Variants in SEMA3D observed in about 807,000 individuals in gnomAD.
SEMA3D encodes the protein semaphorin 3D.
In SEMA3D, 84 loss-of-function variants were observed where a neutral mutation model predicts 100.1. The observed-to-expected ratio is 0.84, with a 90% confidence interval of 0.70 to 1.01. The LOEUF (loss-of-function observed/expected upper bound fraction) is 1.01, where lower values mean the gene tolerates loss of function less well. Ranked by LOEUF, SEMA3D falls within the 50% of genes least tolerant of loss-of-function variation. The pLI is 0.00. For synonymous variants in SEMA3D, 312 were observed against 320.7 expected, an observed-to-expected ratio of 0.97 and a Z score of 0.29; for missense variants, 875 against 934.1, an observed-to-expected ratio of 0.94 and a Z score of 0.82.
At chr7:85,090,559 A>T (rs1015771909) in intron 4 of SEMA3D, among the ~76,000 whole-genome samples, 2 of 152,168 alleles carry the variant, frequency 1.3e-5, no homozygotes, top group Non-Finnish European at 2.9e-5. Context: ...AAGACTGATG[A>T]TTTTGTTTTA....
At chr7:85,148,618 C>A (rs1294903331) in intron 2 of SEMA3D, among the ~76,000 whole-genome samples, 3 of 152,142 alleles carry the variant, frequency 2.0e-5, no homozygotes, top group African/African-American at 7.2e-5. Context: ...CCCCAGGTTT[C>A]TTTGCAGTTA....
At chr7:85,022,725 C>T in intron 12 of SEMA3D, 112 bp from the exon 13 acceptor site, 3 of 695,596 alleles carry the variant, frequency 4.3e-6, no homozygotes, top group Admixed American at 2.1e-5. Context: ...AATGAATGGA[C>T]AACAGAGTCA....
chr7:85,141,292 C>T (rs2116462029), intron 2 of SEMA3D: 1 of 984,288 alleles, frequency 1.0e-6, no homozygotes, highest in Non-Finnish European at 1.2e-6. Context: ...TTAACCTCTT[C>T]AGGAATTTTA....
In SEMA3D at chr7:85,081,591, T is replaced by G. The variant is rs756461077; in HGVS notation, c.313-12A>C. 6.3e-7 allele frequency: 1 copy of G among 1,597,792 alleles called. No homozygotes were observed. Among genetic ancestry groups the G allele is most frequent in the South Asian group, 1.1e-5 (1 of 90,716 alleles). On this transcript the variant is annotated splice_polypyrimidine_tract_variant and intron_variant, in intron 4 of 18. Transcript: ENST00000284136. ...GCAGGCCAATAAATCTGCAAAACAT[T>G]TCAAAGTATGTTACAACCTGAATAT...
chr7:85,073,466 C>T (rs1391532798), intron 5 of SEMA3D, among the ~76,000 whole-genome samples: 1 of 151,632 alleles, frequency 6.6e-6, no homozygotes, highest in African/African-American at 2.4e-5. Flanking sequence ...TCCAGACTGG[C>T]CTCAAACTCC....
At chr7:85,153,227 C>T (rs1234679220) in intron 2 of SEMA3D, among the ~76,000 whole-genome samples, 2 of 152,084 alleles carry the variant, frequency 1.3e-5, no homozygotes, top group East Asian at 1.9e-4. Context: ...AGTGAACCCA[C>T]CCAGTTTAAA....
intron 12 of SEMA3D, chr7:85,027,939 A>G (rs975045630): frequency 3.4e-6 from 2 of 588,636 alleles, no homozygotes; most frequent in Non-Finnish European, 6.6e-6. Flanking sequence ...AAACCGAACC[A>G]TGCCAAACTA....
At chr7:85,212,766 G>A in the SEMA3D span, among the ~76,000 whole-genome samples, 1 of 151,822 alleles carries the variant, frequency 6.6e-6, no homozygotes, top group African/African-American at 2.4e-5. Context: ...TTATATTAGT[G>A]TCTTCAAATA....
the SEMA3D span, among the ~76,000 whole-genome samples, chr7:85,216,765 T>C: frequency 1.3e-5 from 2 of 152,040 alleles, no homozygotes; most frequent in African/African-American, 2.4e-5. Flanking sequence ...TTACAATGTC[T>C]ATGAAATTTG....
At position 85,040,693 on chromosome 7, in the gene SEMA3D, A is replaced by T; in HGVS notation, c.1026T>A (p.Tyr342Ter). Residue 342 changes from tyrosine (Y) to a stop codon, truncating the protein, a stop_gained, in exon 11 of 19, where the codon TAT (tyrosine) becomes TAA (stop). Transcript: ENST00000284136. LOFTEE classifies it high-confidence loss of function. ...PTRDERNPVV[Y>*]GVFTTTSSIF... ...CATACCTGGTTGTAGTAAAGACTCC[A>T]TATACTACAGGATTTCTTTCATCTC... The T allele has an allele frequency of 6.8e-7, 1 of 1,479,158 alleles. No homozygotes were observed. The highest frequency in any genetic ancestry group is 2.3e-5 in the East Asian group (1 of 43,978). The allele number at this position is 1,479,158 out of a possible 1,614,324, so 91.6% of individuals were successfully genotyped here.
chr7:85,156,249 C>T (rs575396528), intron 1 of SEMA3D, among the ~76,000 whole-genome samples: 176 of 151,908 alleles, frequency 1.2e-3, no homozygotes, highest in Admixed American at 4.5e-3. Flanking sequence ...ACTACAAGCG[C>T]GTGCCACCAC....
At chr7:85,094,338 T>A (rs1360052718) in intron 4 of SEMA3D, among the ~76,000 whole-genome samples, 1 of 152,050 alleles carries the variant, frequency 6.6e-6, no homozygotes, top group Non-Finnish European at 1.5e-5. Flanking sequence ...TTTGTGACGA[T>A]AACTCTTACC....
chr7:85,218,082 C>G, the SEMA3D span, among the ~76,000 whole-genome samples: 1 of 151,980 alleles, frequency 6.6e-6, no homozygotes. Flanking sequence ...GTAGGAGTCT[C>G]AAAGAAGCAT....
chr7:85,104,480 T>C (rs1031642587), intron 3 of SEMA3D, among the ~76,000 whole-genome samples: 1 of 152,062 alleles, frequency 6.6e-6, no homozygotes. Context: ...TTATTTGAAA[T>C]AGTTTTGTTC....
At chr7:85,132,067 A>T (rs1006131788) in intron 2 of SEMA3D, among the ~76,000 whole-genome samples, 1 of 151,930 alleles carries the variant, frequency 6.6e-6, no homozygotes, top group Non-Finnish European at 1.5e-5. Flanking sequence ...AATCATGTTT[A>T]AAAACAGCTA....
chr7:85,022,349 A>G (rs762450112), intron 13 of SEMA3D, 42 bp downstream of exon 13: 4 of 1,402,194 alleles, frequency 2.9e-6, no homozygotes, highest in Admixed American at 3.4e-5. Flanking sequence ...TCTAATAATG[A>G]AAAATTCCTT....
intron 4 of SEMA3D, among the ~76,000 whole-genome samples, chr7:85,090,295 T>A (rs997122214): frequency 2.0e-5 from 3 of 152,084 alleles, no homozygotes; most frequent in Admixed American, 6.6e-5. Context: ...TCTGACAACA[T>A]CCTGACAGTC....
intron 9 of SEMA3D, among the ~76,000 whole-genome samples, chr7:85,043,129 A>G (rs192083044): frequency 1.2e-3 from 183 of 152,270 alleles, no homozygotes; most frequent in Non-Finnish European, 2.0e-3. Context: ...AGGCTGAGGC[A>G]GGAGGATCAG....
At chr7:85,028,702 C>T (rs1790460827) in intron 12 of SEMA3D, 1 of 196,932 alleles carries the variant, frequency 5.1e-6, no homozygotes, top group Admixed American at 5.6e-5. Flanking sequence ...AAGGAATCCA[C>T]TTCTATATCT....
Sources: gnomAD v4.1 joint callset for allele counts (sites outside exome capture counted in the v4.1 genomes callset) on GRCh38, gnomAD v4.1.1 for gene constraint, MANE v1.5 for transcripts, NCBI Gene and HGNC (gene_info 2026-07-23, HGNC 2026-07-21) for gene names.